Variants in CEP112 observed in about 807,000 individuals in gnomAD.
CEP112 encodes centrosomal protein of 112 kDa.
CEP112 carries 127 observed loss-of-function variants against 153.0 expected under a neutral mutation model. That is an observed-to-expected ratio of 0.83 (90% confidence interval 0.72 to 0.96). The LOEUF (loss-of-function observed/expected upper bound fraction) is 0.96, where lower values mean the gene tolerates loss of function less well. Among genes scored for constraint, CEP112 ranks in the 40% least tolerant of loss-of-function variants. CEP112 has a pLI of 0.00. For synonymous variants in CEP112, 358 were observed against 374.4 expected (o/e 0.96, Z 0.51); for missense variants, 1,089 against 1,101.2 (o/e 0.99, Z 0.16).
intron 24 of CEP112, among the ~76,000 whole-genome samples, chr17:65,682,353 T>C (rs1265652074): frequency 1.3e-4 from 19 of 151,856 alleles, no homozygotes; most frequent in Non-Finnish European, 1.5e-5. Flanking sequence ...CTTTTGACAA[T>C]ATCCAGCTCA....
intron 4 of CEP112, among the ~76,000 whole-genome samples, chr17:66,158,799 A>G (rs2071563659): frequency 6.6e-6 from 1 of 152,184 alleles, no homozygotes; most frequent in South Asian, 2.1e-4. Context: ...GAACTAGAGA[A>G]GCAAGAGCAA....
At chr17:65,650,671 AG>A (rs2045702695) in intron 24 of CEP112, among the ~76,000 whole-genome samples, 1 of 149,596 alleles carries the variant, frequency 6.7e-6, no homozygotes, top group South Asian at 2.1e-4. Context: ...CAAGGTGGGC[AG>A]ATCACCTGAG....
At chr17:65,923,471 G>A (rs1309073658) in intron 19 of CEP112, among the ~76,000 whole-genome samples, 4 of 152,150 alleles carry the variant, frequency 2.6e-5, no homozygotes, top group African/African-American at 7.2e-5. Flanking sequence ...CTCAAGCCCT[G>A]GAGTTCAAGG....
At chr17:65,765,892 G>C (rs1389793058) in intron 21 of CEP112, among the ~76,000 whole-genome samples, 1 of 152,036 alleles carries the variant, frequency 6.6e-6, no homozygotes, top group Non-Finnish European at 1.5e-5. Context: ...AAGTTTGGAA[G>C]TGGTGACTGT....
At chr17:65,893,699 T>C (rs1445682697) in intron 20 of CEP112, among the ~76,000 whole-genome samples, 1 of 152,110 alleles carries the variant, frequency 6.6e-6, no homozygotes, top group East Asian at 1.9e-4. Flanking sequence ...ATTACAATAG[T>C]TCGAAAACAG....
chr17:66,024,088 TGCA>T (rs2065104099), intron 16 of CEP112, among the ~76,000 whole-genome samples: 1 of 152,150 alleles, frequency 6.6e-6, no homozygotes, highest in Non-Finnish European at 1.5e-5. Context: ...TCTCAACAGA[TGCA>T]GAAAAAGCAT....
chr17:65,989,758 A>C (rs576209011), intron 17 of CEP112, among the ~76,000 whole-genome samples: 1 of 152,360 alleles, frequency 6.6e-6, no homozygotes, highest in South Asian at 2.1e-4. Context: ...CAATTCACTC[A>C]TAACTCTAGT....
At chr17:65,741,519 A>T (rs549706559) in intron 23 of CEP112, among the ~76,000 whole-genome samples, 2 of 150,856 alleles carry the variant, frequency 1.3e-5, no homozygotes, top group South Asian at 2.1e-4. Flanking sequence ...TAAATAATTT[A>T]AAAATTAAGT....
intron 17 of CEP112, among the ~76,000 whole-genome samples, chr17:65,980,527 T>C (rs2063190036): frequency 6.6e-6 from 1 of 152,224 alleles, no homozygotes; most frequent in Non-Finnish European, 1.5e-5. Context: ...ACTCATGCCC[T>C]TGGAACATGT....
chr17:66,106,014 CA>C (rs1795672014), intron 6 of CEP112, among the ~76,000 whole-genome samples: 1 of 151,846 alleles, frequency 6.6e-6, no homozygotes, highest in Non-Finnish European at 1.5e-5. Context: ...GAAAACTATA[CA>C]AACACATGGA....
intron 5 of CEP112, among the ~76,000 whole-genome samples, chr17:66,132,096 G>A (rs979051358): frequency 6.9e-6 from 1 of 144,248 alleles, no homozygotes; most frequent in African/African-American, 2.6e-5. Flanking sequence ...TTGAACCCGG[G>A]AGGCGGAGGT....
At chr17:65,728,884 C>G (rs1337936133) in intron 23 of CEP112, among the ~76,000 whole-genome samples, 8 of 152,078 alleles carry the variant, frequency 5.3e-5, no homozygotes, top group African/African-American at 1.9e-4. Context: ...TTAAGATACT[C>G]TACACTTAGG....
intron 11 of CEP112, among the ~76,000 whole-genome samples, chr17:66,055,985 C>T (rs554141667): frequency 1.3e-5 from 2 of 152,306 alleles, no homozygotes; most frequent in South Asian, 4.1e-4. Context: ...GTCCAGGTCA[C>T]TCAGTCTAGG....
intron 20 of CEP112, among the ~76,000 whole-genome samples, chr17:65,860,905 AG>A (rs2058292118): frequency 2.0e-5 from 3 of 152,250 alleles, no homozygotes; most frequent in Non-Finnish European, 4.4e-5. Context: ...ATATCCACAC[AG>A]TGGAATATTA....
intron 18 of CEP112, among the ~76,000 whole-genome samples, chr17:65,945,676 C>A (rs1298853441): frequency 1.3e-5 from 2 of 152,036 alleles, no homozygotes; most frequent in African/African-American, 4.8e-5. Flanking sequence ...GATGAAGTCT[C>A]GCTCTTGTCC....
At chr17:65,687,096 G>A (rs1176568064) in intron 24 of CEP112, among the ~76,000 whole-genome samples, 1 of 150,792 alleles carries the variant, frequency 6.6e-6, no homozygotes. Flanking sequence ...GAACCAGTAT[G>A]TGTAACATTT....
Position 65,754,938 on chromosome 17 carries a change from G to A in CEP112, c.2395-4214C>T, listed in dbSNP as rs187236149. On this transcript the variant is annotated intron_variant, in intron 21 of 26. Transcript: ENST00000535342. The stretch of plus-strand genomic sequence containing the variant: ...CCCACTGGAGCCTGTTGGGGGTTGC[G>A]GGGAGGGAGAGCATCAGGAAGAATA... Among the ~76,000 whole-genome samples the A allele has an allele frequency of 1.6e-3, 238 of 152,192 alleles. 3 individuals carry two copies. The highest frequency in any genetic ancestry group is 5.1e-3 in the African/African-American group (212 of 41,506).
Position 65,655,257 on chromosome 17 carries a change from T to TG in CEP112, c.2698-14193dup. On this transcript the variant is annotated intron_variant, in intron 24 of 26. Coordinates refer to ENST00000535342, the MANE Select transcript of CEP112 (RefSeq NM_001199165.4). ...TCATCCCGGAGAATACGGTGATCTA[T>TG]GGTGCAGACTGCCTTTGTTGGGTGC... The TG allele has an allele frequency of 1.5e-5, 15 of 1,012,606 alleles. 1 individual carries two copies. The South Asian group carries it at 1.9e-4, about 13-fold the overall frequency. The allele number at this position is 1,012,606 out of a possible 1,614,324, so 62.7% of individuals were successfully genotyped here.
intron 17 of CEP112, among the ~76,000 whole-genome samples, chr17:65,989,488 A>C (rs1382101767): frequency 1.3e-5 from 2 of 151,454 alleles, no homozygotes; most frequent in East Asian, 3.9e-4. Context: ...GAAAAAAAAA[A>C]CTGTCATACA....
Sources: allele counts gnomAD v4.1 joint callset (sites outside exome capture counted in the v4.1 genomes callset), GRCh38; gene constraint gnomAD v4.1.1; transcripts MANE v1.5; gene names NCBI Gene and HGNC (gene_info 2026-07-23, HGNC 2026-07-21).